The following WDR89 variants were observed in gnomAD, a reference collection of about 807,000 sequenced individuals.
The protein encoded by WDR89 is WD repeat-containing protein 89.
WDR89 carries 17 observed loss-of-function variants against 29.1 expected under a neutral mutation model. That is an observed-to-expected ratio of 0.58 (90% CI 0.40 to 0.88). WDR89 has a LOEUF of 0.88. Among genes scored for constraint, WDR89 ranks in the 40% least tolerant of loss-of-function variants. The pLI, the probability that WDR89 is intolerant of heterozygous loss-of-function variation, is 0.00. For missense variants in WDR89, 396 were observed against 456.3 expected (o/e 0.87, Z 1.20); for synonymous variants, 138 against 157.8 (o/e 0.87, Z 0.94).
intron 2 of WDR89, among the ~76,000 whole-genome samples, chr14:63,606,120 G>A (rs1392833147): frequency 6.6e-6 from 1 of 151,644 alleles, no homozygotes; most frequent in Non-Finnish European, 1.5e-5. Flanking sequence ...GCTAATTTTT[G>A]TATTTTTGGT....
At chr14:63,633,342 A>C (rs977088441) in intron 1 of WDR89, among the ~76,000 whole-genome samples, 4 of 152,088 alleles carry the variant, frequency 2.6e-5, no homozygotes, top group Non-Finnish European at 5.9e-5. Flanking sequence ...CATCAAGCAG[A>C]AAGACACTTT....
intron 2 of WDR89, among the ~76,000 whole-genome samples, chr14:63,611,738 A>G (rs893039146): frequency 6.6e-6 from 1 of 151,576 alleles, no homozygotes; most frequent in Non-Finnish European, 1.5e-5. Flanking sequence ...ATTTATTTTT[A>G]TTTTTTGAGA....
At chr14:63,620,333 T>C (rs1000015639) in intron 2 of WDR89, among the ~76,000 whole-genome samples, 1 of 152,076 alleles carries the variant, frequency 6.6e-6, no homozygotes, top group Non-Finnish European at 1.5e-5. Flanking sequence ...AAGCCAGATA[T>C]AGAAAGCCAA....
At chr14:63,627,607 T>G (rs894299416) in intron 1 of WDR89, among the ~76,000 whole-genome samples, 1 of 152,168 alleles carries the variant, frequency 6.6e-6, no homozygotes, top group African/African-American at 2.4e-5. Flanking sequence ...ACCATTTATC[T>G]TTTTACTCTC....
intron 1 of WDR89, among the ~76,000 whole-genome samples, chr14:63,636,096 C>T (rs1217598578): frequency 6.6e-6 from 1 of 152,078 alleles, no homozygotes; most frequent in Non-Finnish European, 1.5e-5. Context: ...GTAGTCCCAG[C>T]TACTTGGGAG....
Position 63,598,859 on chromosome 14 carries a change from T to G in WDR89, c.1084A>C (p.Ser362Arg), listed in dbSNP as rs1479546173. The G allele has an allele frequency of 2.5e-6, 4 of 1,614,084 alleles. No homozygotes were observed. The highest frequency in any genetic ancestry group is 3.4e-6 in the Non-Finnish European group (4 of 1,179,938). The part of the protein sequence containing the change: ...AIEKTFTKKE[S>R]MKIASSVHQR... ...TGCACAGAGGATGCTATTTTCATAC[T>G]CTCTTTCTTTGTAAAGGTCTTCTCT... Residue 362 changes from serine (S) to arginine (R), a missense_variant, in exon 3 of 3, where the codon AGT becomes CGT. Physicochemically the swap from Ser to Arg is moderately radical, Grantham distance 110 (BLOSUM62 -1). Transcript: ENST00000620954.
intron 2 of WDR89, among the ~76,000 whole-genome samples, chr14:63,617,790 T>G (rs1882413408): frequency 6.6e-6 from 1 of 152,174 alleles, no homozygotes; most frequent in Non-Finnish European, 1.5e-5. Context: ...TGGCCTAGAA[T>G]TCTACATAGC....
rs187280313 is a variant in WDR89 at position 63,627,084 on chromosome 14, G to A, written c.-137-2051C>T. On this transcript the variant is annotated intron_variant, in intron 1 of 2. Coordinates refer to ENST00000620954, the MANE Select transcript of WDR89 (RefSeq NM_080666.4). ...TGCAGTGAGCAATGACTGTGTCAAC[G>A]CACTCTAGCTTAGGTGACAGAATAA... is the stretch of plus-strand genomic sequence containing the variant. Among the ~76,000 whole-genome samples, 100 of 150,816 alleles carry A rather than the reference G, an allele frequency of 6.6e-4. 2 individuals carry two copies. The highest frequency in any genetic ancestry group is 4.2e-4 in the South Asian group (2 of 4,782).
intron 2 of WDR89, among the ~76,000 whole-genome samples, chr14:63,614,267 AG>A (rs1189251047): frequency 2.0e-5 from 3 of 152,000 alleles, no homozygotes; most frequent in Non-Finnish European, 4.4e-5. Context: ...GAGACATTCA[AG>A]TAGCTTAATA....
chr14:63,641,840 C>A lies in WDR89; in HGVS notation c.-174G>T, dbSNP rs1029840387. ...CAACCTGTACCGGAGAAAACGCAGG[C>A]TGCGCGGCGGCTTAGAGCGGTCAAG... On this transcript the variant is annotated 5_prime_UTR_variant, in exon 1 of 3. Coordinates refer to ENST00000620954, the MANE Select transcript of WDR89 (RefSeq NM_080666.4). 6.6e-6 allele frequency: 1 copy of A among 152,366 alleles called. No individual in the cohort carries two copies. Among genetic ancestry groups the A allele is most frequent in the African/African-American group, 2.4e-5 (1 of 41,476 alleles). The allele number at this position is 152,366 out of a possible 1,614,324, so 9.4% of individuals were successfully genotyped here.
chr14:63,632,598 A>T (rs898491087), intron 1 of WDR89, among the ~76,000 whole-genome samples: 1 of 152,108 alleles, frequency 6.6e-6, no homozygotes, highest in Admixed American at 6.5e-5. Flanking sequence ...ACACCACTGC[A>T]CTCCAGCATG....
At chr14:63,625,599 T>C (rs1339282600) in intron 1 of WDR89, among the ~76,000 whole-genome samples, 1 of 152,164 alleles carries the variant, frequency 6.6e-6, no homozygotes, top group Non-Finnish European at 1.5e-5. Flanking sequence ...TGGTTATCTT[T>C]AGTGGGAATG....
At chr14:63,612,419 G>A (rs1054828889) in intron 2 of WDR89, among the ~76,000 whole-genome samples, 7 of 151,002 alleles carry the variant, frequency 4.6e-5, no homozygotes, top group South Asian at 2.1e-4. Context: ...TCTGCCTCCC[G>A]GGCTAGAGTG....
chr14:63,605,002 T>C (rs536832907), intron 2 of WDR89, among the ~76,000 whole-genome samples: 87 of 151,772 alleles, frequency 5.7e-4, no homozygotes, highest in Non-Finnish European at 9.6e-4. Context: ...ATACAAAAAT[T>C]AGCCAGGCAT....
rs547876050 is a variant in WDR89, at chr14:63,632,299, T to C, written c.-137-7266A>G. Among the ~76,000 whole-genome samples, 8 of 151,852 alleles carry C rather than the reference T, an allele frequency of 5.3e-5. No homozygotes were observed. In the South Asian group the frequency reaches 1.7e-3, roughly 32 times the overall value. On this transcript the variant is annotated intron_variant, in intron 1 of 2. Transcript: ENST00000620954. ...TACAACTCAGAGGGAAAGTACGGGA[T>C]TCTGTTATCAGACTATAGGAAGTAG... is the stretch of plus-strand genomic sequence containing the variant.
In WDR89 at chr14:63,605,729, G is replaced by A. The variant is rs147777848; in HGVS notation, c.-31-5756C>T. Among the ~76,000 whole-genome samples, 824 of 152,144 alleles carry A rather than the reference G, an allele frequency of 5.4e-3. 8 individuals carry two copies. The highest frequency in any genetic ancestry group is 0.019 in the African/African-American group (786 of 41,500). On this transcript the variant is annotated intron_variant, in intron 2 of 2. Coordinates refer to ENST00000620954, the MANE Select transcript of WDR89 (RefSeq NM_080666.4). ...CACACCTCGGTCTCCCAAAGTGCTGGGATTACAGGCATGAGCCACCATGCC... is the reference window on the plus strand; with the variant it reads ...CACACCTCGGTCTCCCAAAGTGCTGAGATTACAGGCATGAGCCACCATGCC...
chr14:63,602,193 G>C (rs973944080), intron 2 of WDR89, among the ~76,000 whole-genome samples: 1 of 152,172 alleles, frequency 6.6e-6, no homozygotes, highest in African/African-American at 2.4e-5. Flanking sequence ...AGATGTAATA[G>C]GTCAGGCATG....
chr14:63,598,476 A>C lies in WDR89; in HGVS notation c.*303T>G, dbSNP rs1364650802. 2 of 202,778 alleles carry C rather than the reference A, an allele frequency of 9.9e-6. No individual in the cohort carries two copies. Among genetic ancestry groups the C allele is most frequent in the African/African-American group, 4.6e-5 (2 of 43,486 alleles). 12.6% of individuals were successfully genotyped at this position (202,778 alleles called of 1,614,324 possible). On this transcript the variant is annotated 3_prime_UTR_variant, in exon 3 of 3. Transcript: ENST00000620954. Reference sequence around the variant, plus strand: ...CCACCTGTTTTATTAAGTTTTACCAAGTATTTCCTTCTAAAAAGTCCTTAT... The same window carrying C: ...CCACCTGTTTTATTAAGTTTTACCACGTATTTCCTTCTAAAAAGTCCTTAT...
At chr14:63,601,933 G>A in intron 2 of WDR89, 1 of 433,284 alleles carries the variant, frequency 2.3e-6, no homozygotes, top group Non-Finnish European at 4.1e-6. Context: ...AATAACTAAT[G>A]AAAAAAATAA....
Sources: allele counts gnomAD v4.1 joint callset (sites outside exome capture counted in the v4.1 genomes callset), GRCh38; gene constraint gnomAD v4.1.1; transcripts MANE v1.5; gene names NCBI Gene and HGNC (gene_info 2026-07-23, HGNC 2026-07-21).